CCSER1: variants seen among roughly 807,000 people sequenced by gnomAD.
CCSER1 encodes serine-rich coiled-coil domain-containing protein 1.
A neutral mutation model predicts 82.0 loss-of-function variants in CCSER1; 41 were observed. The observed-to-expected ratio is 0.50, with a 90% CI of 0.39 to 0.65. The LOEUF is 0.65. Ranked by LOEUF, CCSER1 falls within the 30% of genes least tolerant of loss-of-function variation. The pLI is 0.00. For missense variants in CCSER1, 1,119 were observed against 1,064.2 expected, an observed-to-expected ratio of 1.05 and a Z score of -0.72; for synonymous variants, 414 against 383.9, an observed-to-expected ratio of 1.08 and a Z score of -0.92.
rs1311076720 is a variant in CCSER1 at position 91,603,341 on chromosome 4, T to A, written c.*4284T>A. ...CATGAACTATTTATTTACAATACAT[T>A]TGATCTCGTTAAGACCCCAGTTCTA... On this transcript the variant is annotated 3_prime_UTR_variant, in exon 11 of 11. Transcript: ENST00000509176. The A allele has an allele frequency of 6.6e-6, 1 of 152,108 alleles. No homozygotes were observed. The highest frequency in any genetic ancestry group is 1.5e-5 in the Non-Finnish European group (1 of 67,978). The allele number at this position is 152,108 out of a possible 1,614,324, so 9.4% of individuals were successfully genotyped here.
At chr4:91,376,682 C>T (rs1212576116) in intron 10 of CCSER1, among the ~76,000 whole-genome samples, 4 of 151,798 alleles carry the variant, frequency 2.6e-5, no homozygotes, top group Non-Finnish European at 5.9e-5. Context: ...AATGGGCAAA[C>T]ATAAAAATAA....
chr4:90,412,066 A>G (rs952043115), intron 4 of CCSER1, among the ~76,000 whole-genome samples: 4 of 152,006 alleles, frequency 2.6e-5, no homozygotes, highest in Non-Finnish European at 5.9e-5. Flanking sequence ...AACCAAGCCA[A>G]ATGTCCAACA....
At chr4:90,706,566 G>A (rs1175896921) in intron 6 of CCSER1, among the ~76,000 whole-genome samples, 1 of 152,170 alleles carries the variant, frequency 6.6e-6, no homozygotes, top group Non-Finnish European at 1.5e-5. Context: ...CAGTAATTAG[G>A]ATTCAGCTGT....
intron 7 of CCSER1, among the ~76,000 whole-genome samples, chr4:90,790,963 C>T (rs1755143273): frequency 6.6e-6 from 1 of 152,144 alleles, no homozygotes; most frequent in Admixed American, 6.5e-5. Flanking sequence ...AGTCTGCTCT[C>T]ATGCTGCTAT....
chr4:91,293,799 C>T (rs1200091820), intron 10 of CCSER1, among the ~76,000 whole-genome samples: 1 of 151,710 alleles, frequency 6.6e-6, no homozygotes, highest in Non-Finnish European at 1.5e-5. Flanking sequence ...AGAGGCAAAA[C>T]ATTAAAAAGA....
chr4:91,211,388 G>C (rs1229088015), intron 10 of CCSER1, among the ~76,000 whole-genome samples: 2 of 152,036 alleles, frequency 1.3e-5, no homozygotes, highest in Non-Finnish European at 2.9e-5. Flanking sequence ...AAGGTTCTTA[G>C]ACCTAGAGGC....
rs1776466253 is a variant in CCSER1, at chr4:90,544,196, G to T, written c.1724+75842G>T. Among the ~76,000 whole-genome samples, 4 of 152,034 alleles carry T rather than the reference G, an allele frequency of 2.6e-5. 1 individual carries two copies. The South Asian group carries it at 8.3e-4, about 31-fold the overall frequency. ...GGAATCCTTTGTCGTGGAGAAAAAC[G>T]TTATCTTTATTACCCTGTGCAAAAT... On this transcript the variant is annotated intron_variant, in intron 5 of 10. Coordinates refer to ENST00000509176, the MANE Select transcript of CCSER1 (RefSeq NM_001145065.2).
intron 5 of CCSER1, among the ~76,000 whole-genome samples, chr4:90,538,916 G>A (rs1358984669): frequency 1.3e-5 from 2 of 151,452 alleles, no homozygotes; most frequent in Non-Finnish European, 3.0e-5. Flanking sequence ...AATTACTTTG[G>A]CATCTGATAT....
intron 10 of CCSER1, among the ~76,000 whole-genome samples, chr4:91,218,330 C>T (rs113432125): frequency 3.3e-5 from 5 of 152,320 alleles, no homozygotes; most frequent in South Asian, 2.1e-4. Flanking sequence ...CACGCAGCCC[C>T]GGTTCCTGCT....
At chr4:91,585,490 CAAAT>C (rs956660713) in intron 10 of CCSER1, among the ~76,000 whole-genome samples, 1 of 151,284 alleles carries the variant, frequency 6.6e-6, no homozygotes, top group Non-Finnish European at 1.5e-5. Flanking sequence ...AGGCATTAAA[CAAAT>C]AAATGCATTA....
chr4:90,602,198 T>C (rs925616155), intron 5 of CCSER1, among the ~76,000 whole-genome samples: 1 of 152,204 alleles, frequency 6.6e-6, no homozygotes, highest in African/African-American at 2.4e-5. Context: ...AGCTCTGTTA[T>C]TAGCTGCAAA....
chr4:91,249,317 A>G (rs967407987), intron 10 of CCSER1, among the ~76,000 whole-genome samples: 4 of 152,148 alleles, frequency 2.6e-5, no homozygotes, highest in Admixed American at 6.5e-5. Flanking sequence ...TCTTTTCCCA[A>G]TAGTTTAAGT....
At chr4:90,437,316 T>C (rs1407737595) in intron 4 of CCSER1, among the ~76,000 whole-genome samples, 1 of 151,968 alleles carries the variant, frequency 6.6e-6, no homozygotes, top group African/African-American at 2.4e-5. Flanking sequence ...GATATAGGTG[T>C]TTTAGTGTAC....
chr4:91,005,808 G>A (rs2150488516), intron 9 of CCSER1, among the ~76,000 whole-genome samples: 1 of 152,216 alleles, frequency 6.6e-6, no homozygotes, highest in African/African-American at 2.4e-5. Context: ...AATTTTCCCA[G>A]CAACACTTAT....
At chr4:91,570,243 C>G (rs755118482) in intron 10 of CCSER1, among the ~76,000 whole-genome samples, 10 of 152,140 alleles carry the variant, frequency 6.6e-5, no homozygotes, top group African/African-American at 9.7e-5. Flanking sequence ...GGCATGAGTG[C>G]CTTTGGCTTT....
intron 5 of CCSER1, among the ~76,000 whole-genome samples, chr4:90,583,610 C>G (rs928462642): frequency 6.6e-6 from 1 of 151,988 alleles, no homozygotes; most frequent in Non-Finnish European, 1.5e-5. Context: ...TTGGTGACGA[C>G]CGAAACTTTA....
In CCSER1 at chr4:91,233,003, G is replaced by A. The variant is rs925000972; in HGVS notation, c.2217+147009G>A. On this transcript the variant is annotated intron_variant, in intron 10 of 10. Transcript: ENST00000509176. ...AAGTATTAACAATGGCAATCTCTGGGGAGTGGAACTCTTAGCTACTTAGGA... is the reference window on the plus strand; with the variant it reads ...AAGTATTAACAATGGCAATCTCTGGAGAGTGGAACTCTTAGCTACTTAGGA... Among the ~76,000 whole-genome samples, 17 of 151,796 alleles carry A rather than the reference G, an allele frequency of 1.1e-4. No homozygotes were observed. The East Asian group carries it at 3.1e-3, about 28-fold the overall frequency.
rs564111703 is a variant in CCSER1 at position 91,003,473 on chromosome 4, A to G, written c.2172+80026A>G. Among the ~76,000 whole-genome samples, 96 of 152,134 alleles carry G rather than the reference A, an allele frequency of 6.3e-4. 1 individual carries two copies. Among genetic ancestry groups the G allele is most frequent in the Non-Finnish European group, 9.6e-4 (65 of 67,984 alleles). Reference sequence around the variant, plus strand: ...TCCTAGGAGGATTATGCCTGCCTCTACTGTGTCATGAAGGTTGTCAGGGAA... The same window carrying G: ...TCCTAGGAGGATTATGCCTGCCTCTGCTGTGTCATGAAGGTTGTCAGGGAA... On this transcript the variant is annotated intron_variant, in intron 9 of 10. Transcript: ENST00000509176.
chr4:91,526,963 G>GCA (rs10659974), intron 10 of CCSER1, among the ~76,000 whole-genome samples: 104,615 of 151,720 alleles, frequency 0.69, 36,894 homozygotes, highest in African/African-American at 0.84. Flanking sequence ...CTCCTTTGAT[G>GCA]CAGTCATTAG....
Sources: gnomAD v4.1 joint callset for allele counts (sites outside exome capture counted in the v4.1 genomes callset) on GRCh38, gnomAD v4.1.1 for gene constraint, MANE v1.5 for transcripts, NCBI Gene and HGNC (gene_info 2026-07-23, HGNC 2026-07-21) for gene names.